The following SPON1 variants were observed in gnomAD, a reference collection of about 807,000 sequenced individuals.
SPON1 encodes the protein spondin 1, also known as spondin-1.
Under a neutral mutation model 111.7 loss-of-function variants are expected in SPON1, and 52 were observed. That is an observed-to-expected ratio of 0.47 (90% CI 0.37 to 0.59). The LOEUF (loss-of-function observed/expected upper bound fraction) is 0.59, where lower values mean the gene tolerates loss of function less well. SPON1 is among the 20% of genes least tolerant of loss of function. The pLI is 0.00. For missense variants in SPON1, 957 were observed against 1,068.5 expected (o/e 0.90, Z 1.46); for synonymous variants, 410 against 395.8 (o/e 1.04, Z -0.43).
chr11:14,090,842 C>G (rs1387005345), intron 5 of SPON1, among the ~76,000 whole-genome samples: 7 of 42,634 alleles, frequency 1.6e-4, no homozygotes, highest in South Asian at 1.9e-3. Flanking sequence ...CCCCCCCCCC[C>G]CCGCCCACAT....
In SPON1 at chr11:14,200,814, TAAAAAAAAAAA is replaced by T. The variant is rs572814576; in HGVS notation, c.826-42495_826-42485del. Among the ~76,000 whole-genome samples, 105 of 79,350 alleles carry T rather than the reference TAAAAAAAAAAA, an allele frequency of 1.3e-3. 2 individuals are homozygous for T. Among genetic ancestry groups the T allele is most frequent in the Middle Eastern group, 0.013 (2 of 156 alleles). The allele number at this position is 79,350 out of a possible 152,430, so 52.1% of individuals were successfully genotyped here. On this transcript the variant is annotated intron_variant, in intron 6 of 15. Transcript: ENST00000576479. The stretch of plus-strand genomic sequence containing the variant: ...TGGGTGACAGAGCAAGACCCTGTCT[TAAAAAAAAAAA>T]AAAAAAAAAAAAAAAAAAAAAAGAT...
At chr11:14,224,764 G>A (rs369782888) in intron 6 of SPON1, 45 of 500,224 alleles carry the variant, frequency 9.0e-5, no homozygotes, top group Admixed American at 2.0e-5. Context: ...GAGATATGAG[G>A]CCGGAGAAGT....
chr11:14,050,456 G>A (rs184892151), intron 3 of SPON1, among the ~76,000 whole-genome samples: 2 of 152,278 alleles, frequency 1.3e-5, no homozygotes, highest in East Asian at 3.9e-4. Flanking sequence ...CTTAAAAGTT[G>A]CAGTGGAGAC....
At chr11:14,254,437 C>T (rs1849084741) in intron 7 of SPON1, 91 bp from the exon 8 acceptor site, 2 of 1,173,196 alleles carry the variant, frequency 1.7e-6, no homozygotes, top group Non-Finnish European at 2.4e-6. Flanking sequence ...CTCTCTGTCC[C>T]TCTCATTCTT....
chr11:14,220,295 G>A lies in SPON1; in HGVS notation c.826-23037G>A, dbSNP rs564114280. ...CAAGATCTGGACCAGGAAATAATAG[G>A]ACCACACTCCGGACATGGTTCAGTA... is the stretch of plus-strand genomic sequence containing the variant. On this transcript the variant is annotated intron_variant, in intron 6 of 15. Coordinates refer to ENST00000576479, the MANE Select transcript of SPON1 (RefSeq NM_006108.4). Among the ~76,000 whole-genome samples, 5 of 152,084 alleles carry A rather than the reference G, an allele frequency of 3.3e-5. No individual in the cohort carries two copies. The South Asian group carries it at 1.0e-3, about 32-fold the overall frequency.
intron 6 of SPON1, among the ~76,000 whole-genome samples, chr11:14,209,265 T>C (rs1848548188): frequency 6.6e-6 from 1 of 152,056 alleles, no homozygotes; most frequent in Admixed American, 6.6e-5. Flanking sequence ...TTAAGAAAAA[T>C]AATTTTTTTA....
At position 13,984,001 on chromosome 11, in the gene SPON1, G is replaced by A. The variant is rs960415782; in HGVS notation, c.345+1048G>A. ...TATTTTTCTGCTCTCTGGGATTCTA[G>A]GTTTTGGGCCTGGTGAGACTTAATT... On this transcript the variant is annotated intron_variant, in intron 2 of 15. Coordinates refer to ENST00000576479, the MANE Select transcript of SPON1 (RefSeq NM_006108.4). Among the ~76,000 whole-genome samples the A allele has an allele frequency of 2.0e-5, 3 of 152,044 alleles. No homozygotes were observed. In the East Asian group the frequency reaches 5.8e-4, roughly 29 times the overall value.
At chr11:14,219,930 T>C (rs1554937438) in intron 6 of SPON1, among the ~76,000 whole-genome samples, 2 of 151,864 alleles carry the variant, frequency 1.3e-5, no homozygotes, top group East Asian at 3.9e-4. Context: ...CTACAAAAAG[T>C]ACAAAAATTA....
At chr11:14,232,755 C>T (rs1848816403) in intron 6 of SPON1, among the ~76,000 whole-genome samples, 1 of 152,202 alleles carries the variant, frequency 6.6e-6, no homozygotes, top group Non-Finnish European at 1.5e-5. Flanking sequence ...CCATTTTTCT[C>T]AACTCCACAG....
intron 2 of SPON1, among the ~76,000 whole-genome samples, chr11:14,037,511 A>T (rs548596208): frequency 3.0e-5 from 4 of 132,400 alleles, no homozygotes; most frequent in African/African-American, 1.2e-4. Flanking sequence ...TGCTGAAACA[A>T]CTGCATATCC....
At chr11:14,120,965 A>C (rs1849300679) in intron 5 of SPON1, among the ~76,000 whole-genome samples, 1 of 152,254 alleles carries the variant, frequency 6.6e-6, no homozygotes. Context: ...TCCTTAAGCC[A>C]GTAGGAGGTC....
At chr11:14,178,572 A>AC (rs1848206091) in intron 6 of SPON1, among the ~76,000 whole-genome samples, 1 of 152,170 alleles carries the variant, frequency 6.6e-6, no homozygotes, top group Non-Finnish European at 1.5e-5. Flanking sequence ...ATTGTTACAT[A>AC]CTCTGCAAGG....
chr11:14,219,178 A>G (rs1848654664), intron 6 of SPON1, among the ~76,000 whole-genome samples: 1 of 152,186 alleles, frequency 6.6e-6, no homozygotes, highest in Non-Finnish European at 1.5e-5. Context: ...GAATGAATAT[A>G]GATTTCTTCT....
intron 5 of SPON1, among the ~76,000 whole-genome samples, chr11:14,095,508 A>G (rs79718942): frequency 2.8e-3 from 430 of 152,276 alleles, no homozygotes; most frequent in Non-Finnish European, 5.0e-3. Flanking sequence ...AAGTTCCACA[A>G]TCTGCCATCT....
At chr11:14,170,275 C>G (rs1848081601) in intron 6 of SPON1, among the ~76,000 whole-genome samples, 2 of 152,200 alleles carry the variant, frequency 1.3e-5, no homozygotes, top group Non-Finnish European at 2.9e-5. Flanking sequence ...TGGGAGTTCA[C>G]TCATGATTTG....
chr11:14,200,698 C>G (rs2133896444), intron 6 of SPON1, among the ~76,000 whole-genome samples: 1 of 151,942 alleles, frequency 6.6e-6, no homozygotes, highest in South Asian at 2.1e-4. Context: ...GCCTGTAATC[C>G]CAGCTACTCA....
intron 3 of SPON1, among the ~76,000 whole-genome samples, chr11:14,045,911 T>C (rs1322371375): frequency 6.6e-6 from 1 of 152,116 alleles, no homozygotes; most frequent in African/African-American, 2.4e-5. Flanking sequence ...TTTTATGTCT[T>C]GTTCAAAAAT....
At chr11:14,010,679 T>C (rs1374563121) in intron 2 of SPON1, among the ~76,000 whole-genome samples, 3 of 152,196 alleles carry the variant, frequency 2.0e-5, no homozygotes, top group Admixed American at 6.5e-5. Context: ...CTCAATAGAT[T>C]GCCTGGCATC....
chr11:14,158,874 C>T (rs1554930639), intron 6 of SPON1, among the ~76,000 whole-genome samples: 1 of 152,074 alleles, frequency 6.6e-6, no homozygotes, highest in Non-Finnish European at 1.5e-5. Flanking sequence ...TTGCATCTTT[C>T]TGATTTGTGT....
Sources: gnomAD v4.1 joint callset for allele counts (sites outside exome capture counted in the v4.1 genomes callset) on GRCh38, gnomAD v4.1.1 for gene constraint, MANE v1.5 for transcripts, NCBI Gene and HGNC (gene_info 2026-07-23, HGNC 2026-07-21) for gene names.